The following CDIN1 variants were observed in gnomAD, a reference collection of about 807,000 sequenced individuals.
CDIN1 encodes the protein CDAN1-interacting nuclease 1.
CDIN1 carries 33 observed loss-of-function variants against 45.3 expected under a neutral mutation model. The ratio of observed to expected loss-of-function variants is 0.73; its 90% CI spans 0.55 to 0.97. The LOEUF (loss-of-function observed/expected upper bound fraction) is 0.97. CDIN1 is among the 50% of genes least tolerant of loss of function. CDIN1 has a pLI of 0.00. For synonymous variants in CDIN1, 118 were observed against 124.4 expected (o/e 0.95, Z 0.34); for missense variants, 303 against 339.4 (o/e 0.89, Z 0.84).
chr15:36,761,077 C>T (rs1015046467), intron 10 of CDIN1, among the ~76,000 whole-genome samples: 6 of 152,148 alleles, frequency 3.9e-5, no homozygotes, highest in Non-Finnish European at 5.9e-5. Context: ...ATAAGATACG[C>T]CTTCACCGGC....
At chr15:36,598,021 C>T (rs1003760310) in intron 1 of CDIN1, among the ~76,000 whole-genome samples, 1 of 152,208 alleles carries the variant, frequency 6.6e-6, no homozygotes, top group Non-Finnish European at 1.5e-5. Context: ...GACCGGGTCT[C>T]ACTCTGTTGC....
At chr15:36,747,616 A>G (rs1208792446) in intron 10 of CDIN1, among the ~76,000 whole-genome samples, 1 of 152,236 alleles carries the variant, frequency 6.6e-6, no homozygotes, top group Non-Finnish European at 1.5e-5. Flanking sequence ...ACCAAGGCCC[A>G]GGGAGATTTA....
intron 1 of CDIN1, among the ~76,000 whole-genome samples, chr15:36,628,291 A>G (rs1009303494): frequency 4.6e-5 from 7 of 152,170 alleles, no homozygotes; most frequent in Non-Finnish European, 7.4e-5. Context: ...CCAGAATGCC[A>G]TAGAAATGGA....
intron 8 of CDIN1, chr15:36,704,573 A>G (rs76615416): frequency 1.9e-5 from 2 of 105,754 alleles, no homozygotes; most frequent in Admixed American, 1.0e-4. Context: ...AGTGTTTTGA[A>G]AAAAAAAAAA....
chr15:36,652,615 G>C (rs1169192024), intron 3 of CDIN1, among the ~76,000 whole-genome samples: 1 of 151,950 alleles, frequency 6.6e-6, no homozygotes, highest in African/African-American at 2.4e-5. Flanking sequence ...TTTTCCTCTT[G>C]CTTCTGAACG....
intron 10 of CDIN1, among the ~76,000 whole-genome samples, chr15:36,786,514 G>A (rs904239145): frequency 6.6e-6 from 1 of 152,036 alleles, no homozygotes; most frequent in African/African-American, 2.4e-5. Context: ...TTTTAATCCT[G>A]TGTCCTTCTG....
intron 1 of CDIN1, among the ~76,000 whole-genome samples, chr15:36,592,527 CT>C (rs1174839798): frequency 6.6e-6 from 1 of 152,036 alleles, no homozygotes; most frequent in East Asian, 1.9e-4. Flanking sequence ...TTTTTGTAGC[CT>C]TTTTTCTGAA....
At chr15:36,707,540 T>A (rs1328195516) in intron 8 of CDIN1, 8 of 65,448 alleles carry the variant, frequency 1.2e-4, no homozygotes, top group African/African-American at 7.8e-4. Flanking sequence ...ATCTGTCTTT[T>A]AAAGGGATTT....
At chr15:36,651,797 C>T (rs1432338474) in intron 3 of CDIN1, among the ~76,000 whole-genome samples, 1 of 152,120 alleles carries the variant, frequency 6.6e-6, no homozygotes, top group Non-Finnish European at 1.5e-5. Context: ...TTAACAACCT[C>T]ATAATTAGGA....
intron 8 of CDIN1, chr15:36,704,309 G>C (rs1409896292): frequency 6.6e-6 from 1 of 152,086 alleles, no homozygotes; most frequent in Non-Finnish European, 1.5e-5. Flanking sequence ...AGAGGCTTTG[G>C]GGGAAGAGGT....
intron 1 of CDIN1, chr15:36,618,356 T>TTAAC: frequency 1.5e-6 from 1 of 684,058 alleles, no homozygotes; most frequent in South Asian, 1.7e-5. Context: ...AGGAGCAAAC[T>TTAAC]TAACTTCAAA....
intron 3 of CDIN1, chr15:36,647,586 A>G (rs1440759755): frequency 6.6e-6 from 1 of 152,162 alleles, no homozygotes; most frequent in Non-Finnish European, 1.5e-5. Flanking sequence ...CCATGTTGTT[A>G]CCTTTCAGAT....
chr15:36,751,229 T>TTATTTATATATATA (rs2053457853), intron 10 of CDIN1, among the ~76,000 whole-genome samples: 1 of 97,612 alleles, frequency 1.0e-5, no homozygotes, highest in Non-Finnish European at 1.9e-5. Flanking sequence ...TATGCTTATT[T>TTATTTATATATATA]TATATATATA....
intron 1 of CDIN1, among the ~76,000 whole-genome samples, chr15:36,597,188 T>G (rs1285825391): frequency 6.6e-6 from 1 of 152,228 alleles, no homozygotes; most frequent in Non-Finnish European, 1.5e-5. Context: ...GGTGATTCAC[T>G]GAAAGGTTCA....
intron 8 of CDIN1, among the ~76,000 whole-genome samples, chr15:36,703,358 C>CAGATAGATCTATCAGATATATACAT (rs2042729730): frequency 1.9e-5 from 1 of 54,042 alleles, no homozygotes; most frequent in Non-Finnish European, 3.4e-5. Context: ...ATACATATAT[C>CAGATAGATCTATCAGATATATACAT]AGATAGATCT....
intron 8 of CDIN1, 22 bp from the exon 9 acceptor site, chr15:36,709,201 A>G (rs1382709880): frequency 1.9e-6 from 3 of 1,578,430 alleles, no homozygotes; most frequent in Non-Finnish European, 2.6e-6. Flanking sequence ...TTTTAAGTAA[A>G]TAGTGTTTGT....
chr15:36,727,451 T>C (rs553793760), intron 10 of CDIN1, among the ~76,000 whole-genome samples: 1 of 151,486 alleles, frequency 6.6e-6, no homozygotes, highest in African/African-American at 2.4e-5. Flanking sequence ...TTCAGTGGAG[T>C]GATGGGTAAT....
chr15:36,609,990 A>G (rs988124105), intron 1 of CDIN1, among the ~76,000 whole-genome samples: 1 of 152,224 alleles, frequency 6.6e-6, no homozygotes, highest in Non-Finnish European at 1.5e-5. Context: ...GTGTGACCAC[A>G]TGCTTTAGCT....
intron 10 of CDIN1, among the ~76,000 whole-genome samples, chr15:36,738,466 C>G (rs538861656): frequency 4.4e-4 from 67 of 152,226 alleles, no homozygotes; most frequent in South Asian, 1.0e-3. Context: ...CAAAATCAGC[C>G]TTCATGGCCC....
Sources: allele counts gnomAD v4.1 joint callset (sites outside exome capture counted in the v4.1 genomes callset), GRCh38; gene constraint gnomAD v4.1.1; transcripts MANE v1.5; gene names NCBI Gene and HGNC (gene_info 2026-07-23, HGNC 2026-07-21).